SCTR: variants seen among roughly 807,000 people sequenced by gnomAD.
The protein encoded by SCTR is secretin receptor, also known as pancreatic secretin receptor.
A neutral mutation model predicts 60.8 loss-of-function variants in SCTR; 56 were observed. That is an observed-to-expected ratio of 0.92 (90% CI 0.74 to 1.15). SCTR has a LOEUF of 1.15. Among genes scored for constraint, SCTR ranks in the 50% most tolerant of loss-of-function variants. SCTR has a pLI of 0.00. For missense variants in SCTR, 562 were observed against 550.4 expected, an observed-to-expected ratio of 1.02 and a Z score of -0.21; for synonymous variants, 202 against 217.0, an observed-to-expected ratio of 0.93 and a Z score of 0.61.
chr2:119,504,871 C>T (rs1044401287), intron 1 of SCTR, among the ~76,000 whole-genome samples: 1 of 152,074 alleles, frequency 6.6e-6, no homozygotes, highest in African/African-American at 2.4e-5. Flanking sequence ...TGAAACTCAA[C>T]AGTAAAGAAG....
chr2:119,495,242 G>T (rs560266065), intron 1 of SCTR, among the ~76,000 whole-genome samples: 2 of 152,350 alleles, frequency 1.3e-5, no homozygotes, highest in South Asian at 4.1e-4. Context: ...ATGAGCCACT[G>T]TGTCCAGCCT....
intron 7 of SCTR, 67 bp from the exon 8 acceptor site, chr2:119,453,414 C>T (rs1683250819): frequency 1.7e-5 from 21 of 1,270,084 alleles, no homozygotes; most frequent in Non-Finnish European, 2.4e-5. Context: ...CATATCAGAA[C>T]AGGACAATTG....
intron 5 of SCTR, 78 bp from the exon 6 acceptor site, chr2:119,464,333 G>A (rs1683744040): frequency 6.9e-7 from 1 of 1,441,098 alleles, no homozygotes; most frequent in Non-Finnish European, 9.7e-7. Flanking sequence ...TGCCACCAGT[G>A]CACTGGGGAA....
chr2:119,499,825 C>T (rs1001585579), intron 1 of SCTR, among the ~76,000 whole-genome samples: 7 of 152,074 alleles, frequency 4.6e-5, no homozygotes, highest in African/African-American at 1.7e-4. Context: ...TAAAACCATA[C>T]TTAATGTTGA....
At chr2:119,511,558 TC>T (rs1057075777) in intron 1 of SCTR, among the ~76,000 whole-genome samples, 2 of 152,204 alleles carry the variant, frequency 1.3e-5, no homozygotes, top group Non-Finnish European at 2.9e-5. Flanking sequence ...TTCCAAGTGC[TC>T]CCACAGCTCT....
At chr2:119,442,092 G>A (rs570828052) in intron 11 of SCTR, among the ~76,000 whole-genome samples, 68 of 152,330 alleles carry the variant, frequency 4.5e-4, no homozygotes, top group African/African-American at 1.4e-3. Context: ...TACAGGTCCC[G>A]GCCAGCCAGT....
At chr2:119,486,195 G>A (rs1223963520) in intron 2 of SCTR, 1 of 152,042 alleles carries the variant, frequency 6.6e-6, no homozygotes, top group Non-Finnish European at 1.5e-5. Context: ...GGAGTGATGA[G>A]GTCCCCATCA....
At chr2:119,470,804 G>A (rs1041671195) in intron 4 of SCTR, among the ~76,000 whole-genome samples, 6 of 152,168 alleles carry the variant, frequency 3.9e-5, no homozygotes, top group Non-Finnish European at 7.3e-5. Context: ...AAGTTCAAGC[G>A]ACTCTTGTGC....
intron 9 of SCTR, among the ~76,000 whole-genome samples, chr2:119,450,078 A>AAAAGAAAGAAAGAAAGAAAAAT (rs1683099189): frequency 1.4e-5 from 2 of 145,092 alleles, no homozygotes; most frequent in Admixed American, 6.8e-5. Context: ...GAAAGAAAGA[A>AAAAGAAAGAAAGAAAGAAAAAT]AAATAAATAA....
chr2:119,485,464 G>T (rs1348206489), intron 2 of SCTR, among the ~76,000 whole-genome samples: 1 of 152,212 alleles, frequency 6.6e-6, no homozygotes. Flanking sequence ...CTGGGAGTTT[G>T]CCCTGCATTC....
intron 4 of SCTR, among the ~76,000 whole-genome samples, chr2:119,467,597 C>T (rs1683892051): frequency 6.6e-6 from 1 of 152,008 alleles, no homozygotes; most frequent in Non-Finnish European, 1.5e-5. Context: ...GAAATATGAC[C>T]TTTTGACCTC....
intron 1 of SCTR, among the ~76,000 whole-genome samples, chr2:119,520,378 A>G (rs1170920589): frequency 6.6e-6 from 1 of 152,194 alleles, no homozygotes; most frequent in Non-Finnish European, 1.5e-5. Context: ...AGGTGTCTGT[A>G]GTTTCAGCTG....
chr2:119,453,376 G>A lies in SCTR; in HGVS notation c.791-29C>T, dbSNP rs751593041. Reference sequence around the variant, plus strand: ...AGGATTAAAAACAAAGGGAGGGGCAGAAGAGAGAGGACTCAATTTTCAACA... The same window carrying A: ...AGGATTAAAAACAAAGGGAGGGGCAAAAGAGAGAGGACTCAATTTTCAACA... On this transcript the variant is annotated intron_variant, in intron 7 of 12. Coordinates refer to ENST00000019103, the MANE Select transcript of SCTR (RefSeq NM_002980.3). 1.9e-6 allele frequency: 3 copies of A among 1,568,730 alleles called. No homozygotes were observed. The Admixed American group carries it at 5.0e-5, about 26-fold the overall frequency.
rs1338418305 is a variant in SCTR at position 119,446,757 on chromosome 2, AC to A, written c.1140+1del. The A allele has an allele frequency of 2.6e-6, 4 of 1,521,120 alleles. No individual in the cohort carries two copies. The highest frequency in any genetic ancestry group is 2.7e-6 in the Non-Finnish European group (3 of 1,130,120). The allele number at this position is 1,521,120 out of a possible 1,614,324, so 94.2% of individuals were successfully genotyped here. A position where few individuals can be genotyped will look rare whatever the true frequency, so the allele number is the denominator to read the frequency against. ...CTGGCAGCCCCAGTCCTGGAAACTT[AC>A]CTGGAATGAGCCAAGGGCTAGTTCA... On this transcript the variant is annotated splice_donor_variant, in intron 11 of 12. Coordinates refer to ENST00000019103, the MANE Select transcript of SCTR (RefSeq NM_002980.3). LOFTEE classifies it high-confidence loss of function.
rs766604541 is a variant in SCTR at position 119,473,486 on chromosome 2, G to A, written c.372C>T (p.Gly124=). 1.6e-5 allele frequency: 26 copies of A among 1,612,640 alleles called. No individual in the cohort carries two copies. Among genetic ancestry groups the A allele is most frequent in the South Asian group, 1.2e-4 (11 of 91,062 alleles). ...CGTTGGAAGAGTCGTTCACATTAAC[G>A]CCACAGGCCAGATTAGGCCTGGGGA... ...ETFPRPNLAC[G]VNVNDSSNEK... The change falls in exon 4 of 13, where the codon GGC becomes GGT. Residue 124 remains glycine (G), a synonymous_variant. Transcript: ENST00000019103.
chr2:119,456,061 CTTTTTTTTTTTTT>C (rs34764285), intron 7 of SCTR, among the ~76,000 whole-genome samples: 5 of 121,088 alleles, frequency 4.1e-5, no homozygotes, highest in Admixed American at 8.3e-5. Context: ...GATTTTTCAA[CTTTTTTTTTTTTT>C]TTTTTTTTTG....
At chr2:119,523,914 G>A (rs565368716) in intron 1 of SCTR, among the ~76,000 whole-genome samples, 1 of 152,306 alleles carries the variant, frequency 6.6e-6, no homozygotes, top group East Asian at 1.9e-4. Flanking sequence ...GTCGGTGGTG[G>A]GCACAGGGAT....
intron 1 of SCTR, among the ~76,000 whole-genome samples, chr2:119,523,924 T>C (rs1025524938): frequency 3.3e-5 from 5 of 152,116 alleles, no homozygotes; most frequent in Non-Finnish European, 7.4e-5. Context: ...GGCACAGGGA[T>C]TCATCTTAGA....
At chr2:119,479,156 G>GAGGAAGGCAAGAAGGAAAGA in intron 2 of SCTR, 1 of 1,256,798 alleles carries the variant, frequency 8.0e-7, no homozygotes. Flanking sequence ...GAAAGGGAGG[G>GAGGAAGGCAAGAAGGAAAGA]AGGAAGGGAA....
Sources: gnomAD v4.1 joint callset for allele counts (sites outside exome capture counted in the v4.1 genomes callset) on GRCh38, gnomAD v4.1.1 for gene constraint, MANE v1.5 for transcripts, NCBI Gene and HGNC (gene_info 2026-07-23, HGNC 2026-07-21) for gene names.